TTC39A: variants seen among roughly 807,000 people sequenced by gnomAD.
TTC39A encodes tetratricopeptide repeat protein 39A.
TTC39A carries 46 observed loss-of-function variants against 82.3 expected under a neutral mutation model. The ratio of observed to expected loss-of-function variants is 0.56; its 90% CI spans 0.44 to 0.71. TTC39A has a LOEUF of 0.71. TTC39A is among the 30% of genes least tolerant of loss of function. The probability of loss-of-function intolerance (pLI) is 0.00; values close to 1 mark genes in which losing one functional copy is unlikely to be tolerated. For synonymous variants in TTC39A, 254 were observed against 275.2 expected, an observed-to-expected ratio of 0.92 and a Z score of 0.76; for missense variants, 543 against 712.9, an observed-to-expected ratio of 0.76 and a Z score of 2.71.
intron 16 of TTC39A, among the ~76,000 whole-genome samples, chr1:51,289,755 A>G (rs1458468302): frequency 7.9e-5 from 12 of 152,186 alleles, no homozygotes; most frequent in Admixed American, 7.8e-4. Context: ...TCCAGGGGAC[A>G]CTGTTCACTC....
intron 6 of TTC39A, among the ~76,000 whole-genome samples, chr1:51,307,503 G>A (rs1644914547): frequency 6.6e-6 from 1 of 152,150 alleles, no homozygotes; most frequent in African/African-American, 2.4e-5. Flanking sequence ...GGAGGCCGAG[G>A]CAGGCAGATC....
chr1:51,321,853 CA>C lies in TTC39A; in HGVS notation c.42-29del. On this transcript the variant is annotated intron_variant, in intron 1 of 17. Coordinates refer to ENST00000680483, the MANE Select transcript of TTC39A (RefSeq NM_001297663.2). This position sits in a 1 kb window ranked among gnomAD's most constrained non-coding sequence, Gnocchi z 4.6. The stretch of plus-strand genomic sequence containing the variant: ...GGGGGAAGAGATGCGGGGCATGACA[CA>C]GGGGCCCTCCAACCCTCCAGCCTCT... 2.5e-6 allele frequency: 4 copies of C among 1,591,198 alleles called. No homozygotes were observed. The highest frequency in any genetic ancestry group is 3.4e-6 in the Non-Finnish European group (4 of 1,164,842).
chr1:51,292,976 G>GA lies in TTC39A; in HGVS notation c.1266+1414dup. On this transcript the variant is annotated intron_variant, in intron 14 of 17. Coordinates refer to ENST00000680483, the MANE Select transcript of TTC39A (RefSeq NM_001297663.2). ...CAGTATTTTGCAGATTACAGTTTGG[G>GA]AAATTCTCCCCTAAGTTTTTGGTAT... Among the ~76,000 whole-genome samples the GA allele has an allele frequency of 2.0e-5, 3 of 152,090 alleles. No homozygotes were observed. In the East Asian group the frequency reaches 5.8e-4, roughly 29 times the overall value.
rs74913808 is a variant in TTC39A at position 51,321,490 on chromosome 1, G to A, written c.146+231C>T. On this transcript the variant is annotated intron_variant, in intron 2 of 17. Coordinates refer to ENST00000680483, the MANE Select transcript of TTC39A (RefSeq NM_001297663.2). The surrounding 1 kb of genome is among the most constrained non-coding windows in gnomAD (Gnocchi z 4.6). ...TCTGCGGGAACAAGTAACAAAGTGT[G>A]AAGAACCCTCAAGAGCCTAAGAAGA... 1.3e-5 allele frequency among the ~76,000 whole-genome samples: 2 copies of A among 152,316 alleles called. No individual in the cohort carries two copies. The highest frequency in any genetic ancestry group is 1.9e-4 in the East Asian group (1 of 5,176).
At chr1:51,292,244 CTG>C (rs1262397901) in intron 14 of TTC39A, among the ~76,000 whole-genome samples, 3 of 152,046 alleles carry the variant, frequency 2.0e-5, no homozygotes, top group Non-Finnish European at 4.4e-5. Flanking sequence ...TTCATAGTAA[CTG>C]TGTTTGCTTA....
At chr1:51,297,937 A>T (rs1316739469) in intron 12 of TTC39A, 1 of 151,548 alleles carries the variant, frequency 6.6e-6, no homozygotes. Context: ...CATCAAACAC[A>T]CTCCTGCCCT....
chr1:51,313,511 CG>C (rs1645165146), intron 2 of TTC39A, among the ~76,000 whole-genome samples: 1 of 152,172 alleles, frequency 6.6e-6, no homozygotes, highest in South Asian at 2.1e-4. Context: ...GAGATCCTGC[CG>C]GGGCTAAAGC....
chr1:51,332,209 T>A (rs1418540145), upstream of TTC39A, among the ~76,000 whole-genome samples: 1 of 152,234 alleles, frequency 6.6e-6, no homozygotes, highest in Non-Finnish European at 1.5e-5. Context: ...CATTCCTAAT[T>A]TGAAAATCCG....
chr1:51,311,171 T>C, intron 5 of TTC39A, 83 bp downstream of exon 5: 1 of 1,355,822 alleles, frequency 7.4e-7, no homozygotes, highest in East Asian at 2.6e-5. Flanking sequence ...TGGGTCACAG[T>C]TGCTCTAGGG....
rs199685857 is a variant in TTC39A, at chr1:51,315,850, T to G, written c.147-2907A>C. Among the ~76,000 whole-genome samples, 34 of 152,342 alleles carry G rather than the reference T, an allele frequency of 2.2e-4. No individual in the cohort carries two copies. The East Asian group carries it at 3.7e-3, about 16-fold the overall frequency. ...CAGTCCATCTCAGTGTAAATGTCACTTTTTCCAGTAAGCCTTCCAGGGCAG... is the reference window on the plus strand; with the variant it reads ...CAGTCCATCTCAGTGTAAATGTCACGTTTTCCAGTAAGCCTTCCAGGGCAG... On this transcript the variant is annotated intron_variant, in intron 2 of 17. Transcript: ENST00000680483.
At chr1:51,295,867 A>C (rs1162811309) in intron 13 of TTC39A, 3 of 601,428 alleles carry the variant, frequency 5.0e-6, no homozygotes, top group Non-Finnish European at 8.9e-6. Flanking sequence ...GCCTCTGAAG[A>C]AAGTCAAAGG....
chr1:51,325,571 C>G (rs758906068), intron 1 of TTC39A, among the ~76,000 whole-genome samples: 2 of 152,162 alleles, frequency 1.3e-5, no homozygotes, highest in African/African-American at 2.4e-5. Context: ...ATTACCCCCC[C>G]ACACCTATTG....
At chr1:51,330,593 C>T (rs1645879752), upstream of TTC39A, 1 of 982,962 alleles carries the variant, frequency 1.0e-6, no homozygotes, top group Non-Finnish European at 1.2e-6. The surrounding 1 kb of genome is among the most constrained non-coding windows in gnomAD (Gnocchi z 4.5). Context: ...CGGGGAGGGG[C>T]GCGCCGGGGG....
At chr1:51,301,377 CTT>C in intron 12 of TTC39A, 193 bp downstream of exon 12, 1 of 624,902 alleles carries the variant, frequency 1.6e-6, no homozygotes, top group Non-Finnish European at 2.6e-6. Flanking sequence ...CTAGAAATCT[CTT>C]TGTGACACAT....
chr1:51,294,635 A>C lies in TTC39A; in HGVS notation c.1146-124T>G. On this transcript the variant is annotated intron_variant, in intron 13 of 17. Transcript: ENST00000680483. This position sits in a 1 kb window ranked among gnomAD's most constrained non-coding sequence, Gnocchi z 4.3. ...TCAGTTTCCCCATCTGCACAATGAC[A>C]GTGTTAGACTCTAAAGAGCCTTCTA... 2 of 1,406,654 alleles carry C rather than the reference A, an allele frequency of 1.4e-6. No individual in the cohort carries two copies. Among genetic ancestry groups the C allele is most frequent in the Non-Finnish European group, 1.9e-6 (2 of 1,037,634 alleles). 87.1% of individuals were successfully genotyped at this position (1,406,654 alleles called of 1,614,324 possible). A position where few individuals can be genotyped will look rare whatever the true frequency, so the allele number is the denominator to read the frequency against.
intron 5 of TTC39A, among the ~76,000 whole-genome samples, chr1:51,310,225 A>G (rs910334088): frequency 2.0e-5 from 3 of 152,190 alleles, no homozygotes; most frequent in Admixed American, 2.0e-4. Flanking sequence ...CGACAGAGCA[A>G]GACTCCGTCT....
intron 1 of TTC39A, chr1:51,342,957 A>G (rs943385676): frequency 5.3e-5 from 23 of 433,398 alleles, no homozygotes; most frequent in Admixed American, 5.2e-4. Flanking sequence ...CCACCACGCC[A>G]GCCTCCCCTC....
At position 51,296,038 on chromosome 1, in the gene TTC39A, T is replaced by C. The variant is rs538138150; in HGVS notation, c.1145+41A>G. 5.2e-5 allele frequency: 80 copies of C among 1,548,804 alleles called. No individual in the cohort carries two copies. In the Admixed American group the frequency reaches 1.2e-3, roughly 24 times the overall value. ...GGTCTGTCCATAGCGGCCTACACGG[T>C]GGGAGTGGCCTACACAGTGGGAGCA... On this transcript the variant is annotated intron_variant, in intron 13 of 17. Transcript: ENST00000680483.
chr1:51,344,936 G>A (rs1363906568), intron 1 of TTC39A: 3 of 1,520,402 alleles, frequency 2.0e-6, no homozygotes, highest in Middle Eastern at 1.7e-4. Flanking sequence ...GGGTCCTCCG[G>A]CGGCCCCTTG....
Sources: gnomAD v4.1 joint callset for allele counts (sites outside exome capture counted in the v4.1 genomes callset) on GRCh38, gnomAD v4.1.1 for gene constraint, Gnocchi (gnomAD v3.1) non-coding constraint, MANE v1.5 for transcripts, NCBI Gene and HGNC (gene_info 2026-07-23, HGNC 2026-07-21) for gene names.